The following CNKSR3 variants were observed in gnomAD, a reference collection of about 807,000 sequenced individuals.
CNKSR3 encodes the protein connector enhancer of kinase suppressor of ras 3.
A neutral mutation model predicts 67.7 loss-of-function variants in CNKSR3; 36 were observed. The observed-to-expected ratio is 0.53, with a 90% CI of 0.41 to 0.70. The LOEUF is 0.70. CNKSR3 is among the 30% of genes least tolerant of loss of function. The pLI is 0.00. For missense variants in CNKSR3, 630 were observed against 695.2 expected (o/e 0.91, Z 1.05); for synonymous variants, 281 against 271.4 (o/e 1.04, Z -0.35).
In CNKSR3 at chr6:154,510,190, C is replaced by A; in HGVS notation, c.-76G>T. ...GCTGCCTGCGCTCCGGTGCCCCTTC[C>A]CGGGAGGGCGCGCCCGCGGCTGCTC... On this transcript the variant is annotated 5_prime_UTR_variant, in exon 1 of 13. Coordinates refer to ENST00000607772, the MANE Select transcript of CNKSR3 (RefSeq NM_173515.4). 3.2e-6 allele frequency: 5 copies of A among 1,573,106 alleles called. No individual in the cohort carries two copies. Among genetic ancestry groups the A allele is most frequent in the Non-Finnish European group, 4.4e-6 (5 of 1,145,910 alleles).
intron 1 of CNKSR3, among the ~76,000 whole-genome samples, chr6:154,509,313 C>G (rs988719213): frequency 1.3e-5 from 2 of 149,472 alleles, no homozygotes; most frequent in African/African-American, 4.9e-5. Context: ...CACCACCCCC[C>G]CACCGCCCCA....
intron 10 of CNKSR3, 139 bp downstream of exon 10, chr6:154,414,159 AC>A: frequency 1.2e-6 from 1 of 833,572 alleles, no homozygotes; most frequent in Non-Finnish European, 1.8e-6. Flanking sequence ...GGCTGATCAT[AC>A]TTTTAACGGC....
chr6:154,445,362 T>C (rs1445224851), intron 2 of CNKSR3, among the ~76,000 whole-genome samples: 1 of 152,190 alleles, frequency 6.6e-6, no homozygotes, highest in Non-Finnish European at 1.5e-5. Context: ...AAAAATAAGA[T>C]GGATTTGCAT....
In CNKSR3 at chr6:154,431,683, C is replaced by T. The variant is rs142820347; in HGVS notation, c.550-1092G>A. On this transcript the variant is annotated intron_variant, in intron 5 of 12. Coordinates refer to ENST00000607772, the MANE Select transcript of CNKSR3 (RefSeq NM_173515.4). The stretch of plus-strand genomic sequence containing the variant: ...ACCACCCCATCCCTCACCATGAACC[C>T]CTGGCAAACATAGATCTTTTTACTG... 4.0e-3 allele frequency among the ~76,000 whole-genome samples: 605 copies of T among 151,996 alleles called. 3 individuals carry two copies. Among genetic ancestry groups the T allele is most frequent in the African/African-American group, 0.014 (568 of 41,456 alleles).
chr6:154,437,615 C>T (rs1377738310), intron 4 of CNKSR3, among the ~76,000 whole-genome samples: 1 of 151,942 alleles, frequency 6.6e-6, no homozygotes, highest in East Asian at 1.9e-4. Flanking sequence ...GGGGTTTCGC[C>T]ATGTTTGCCA....
Position 154,411,150 on chromosome 6 carries a change from A to C in CNKSR3, c.1071-8T>G. On this transcript the variant is annotated splice_polypyrimidine_tract_variant and splice_region_variant and intron_variant, in intron 10 of 12. Coordinates refer to ENST00000607772, the MANE Select transcript of CNKSR3 (RefSeq NM_173515.4). ...AAACTGCCATTCTCATCCCTGGAAG[A>C]TAATATGGACAATAATTAAGTTGTT... The C allele has an allele frequency of 6.3e-7, 1 of 1,590,556 alleles. No homozygotes were observed. Among genetic ancestry groups the C allele is most frequent in the Non-Finnish European group, 8.6e-7 (1 of 1,160,084 alleles).
At chr6:154,449,662 T>G (rs1408100193) in intron 2 of CNKSR3, among the ~76,000 whole-genome samples, 1 of 152,216 alleles carries the variant, frequency 6.6e-6, no homozygotes, top group Admixed American at 6.5e-5. Context: ...TTTCCATCAT[T>G]TTTTCCTTAT....
In CNKSR3 at chr6:154,389,929, T is replaced by C. The variant is rs1393237886; in HGVS notation, c.*16425A>G. The C allele has an allele frequency of 1.3e-5, 2 of 152,180 alleles. No homozygotes were observed. Among genetic ancestry groups the C allele is most frequent in the Non-Finnish European group, 2.9e-5 (2 of 68,016 alleles). 9.4% of individuals were successfully genotyped at this position (152,180 alleles called of 1,614,324 possible). Reference sequence around the variant, plus strand: ...ACAAACAAATGGAAAGACATTTCATTCCTGGGCTGTAAGACTTAATATTGC... The same window carrying C: ...ACAAACAAATGGAAAGACATTTCATCCCTGGGCTGTAAGACTTAATATTGC... On this transcript the variant is annotated 3_prime_UTR_variant, in exon 13 of 13. Coordinates refer to ENST00000607772, the MANE Select transcript of CNKSR3 (RefSeq NM_173515.4).
intron 1 of CNKSR3, among the ~76,000 whole-genome samples, chr6:154,499,870 T>TA (rs11394655): frequency 0.18 from 26,958 of 152,184 alleles, 3,422 homozygotes; most frequent in African/African-American, 0.36. Flanking sequence ...CAAATTGGCC[T>TA]GGGGTGCTTA....
chr6:154,492,297 T>A (rs897733856), intron 1 of CNKSR3, among the ~76,000 whole-genome samples: 1 of 152,130 alleles, frequency 6.6e-6, no homozygotes, highest in Non-Finnish European at 1.5e-5. Flanking sequence ...TGCCCTAGAT[T>A]CCTTTCCTTG....
intron 1 of CNKSR3, among the ~76,000 whole-genome samples, chr6:154,493,852 G>GC (rs1418164386): frequency 6.6e-6 from 1 of 152,006 alleles, no homozygotes; most frequent in Admixed American, 6.5e-5. Flanking sequence ...GGGGACATCT[G>GC]CCCCCATGAT....
At chr6:154,449,288 T>C (rs1785773201) in intron 2 of CNKSR3, among the ~76,000 whole-genome samples, 1 of 152,198 alleles carries the variant, frequency 6.6e-6, no homozygotes, top group African/African-American at 2.4e-5. Flanking sequence ...GACATGAAAA[T>C]CAGAACCTAT....
chr6:154,429,990 G>A (rs1160412507), intron 6 of CNKSR3, among the ~76,000 whole-genome samples: 1 of 152,172 alleles, frequency 6.6e-6, no homozygotes. Context: ...AATCCCATAA[G>A]ATGCACGCTA....
chr6:154,397,494 A>C lies in CNKSR3; in HGVS notation c.*8860T>G, dbSNP rs1784672893. 6.6e-6 allele frequency: 1 copy of C among 152,246 alleles called. No individual in the cohort carries two copies. 9.4% of individuals were successfully genotyped at this position (152,246 alleles called of 1,614,324 possible). A position where few individuals can be genotyped will look rare whatever the true frequency, so the allele number is the denominator to read the frequency against. ...TTATCATTGGCATGGCCATGAACAC[A>C]AACAATATAAAATGCCAATTTAACC... On this transcript the variant is annotated 3_prime_UTR_variant, in exon 13 of 13. Coordinates refer to ENST00000607772, the MANE Select transcript of CNKSR3 (RefSeq NM_173515.4).
Position 154,389,317 on chromosome 6 carries a change from A to AT in CNKSR3, c.*17036dup, listed in dbSNP as rs1784581987. The AT allele has an allele frequency of 6.6e-6, 1 of 152,202 alleles. No individual in the cohort carries two copies. Among genetic ancestry groups the AT allele is most frequent in the Non-Finnish European group, 1.5e-5 (1 of 68,016 alleles). 9.4% of individuals were successfully genotyped at this position (152,202 alleles called of 1,614,324 possible). ...TCCCCCTTTTGCACATGGATATCTG[A>AT]TTTTCTCAATACCATGTGTTGAAGA... On this transcript the variant is annotated 3_prime_UTR_variant, in exon 13 of 13. Transcript: ENST00000607772.
chr6:154,479,991 C>G (rs1296842184), intron 1 of CNKSR3, among the ~76,000 whole-genome samples: 1 of 152,134 alleles, frequency 6.6e-6, no homozygotes, highest in African/African-American at 2.4e-5. Context: ...GGGGCAGGAA[C>G]AGAGGCAAAT....
chr6:154,411,791 G>A (rs942799362), intron 10 of CNKSR3, among the ~76,000 whole-genome samples: 7 of 152,116 alleles, frequency 4.6e-5, no homozygotes, highest in East Asian at 1.9e-4. Flanking sequence ...ATGCTCTAGC[G>A]AACCACGTTG....
intron 9 of CNKSR3, among the ~76,000 whole-genome samples, chr6:154,417,259 AAAGAG>A (rs1785043282): frequency 6.6e-6 from 1 of 152,234 alleles, no homozygotes; most frequent in African/African-American, 2.4e-5. Flanking sequence ...CAACACTATT[AAAGAG>A]AAGAGCATGG....
In CNKSR3 at chr6:154,474,657, G is replaced by C. The variant is rs77962605; in HGVS notation, c.53-24399C>G. On this transcript the variant is annotated intron_variant, in intron 1 of 12. Transcript: ENST00000607772. ...AAGGCAGCTGGGCCATCCGGATGTG[G>C]GGTGGTGTGCCCCTGGCACAGCCGT... is the stretch of plus-strand genomic sequence containing the variant. 4.8e-3 allele frequency among the ~76,000 whole-genome samples: 736 copies of C among 152,290 alleles called. 4 individuals carry two copies. Among genetic ancestry groups the C allele is most frequent in the African/African-American group, 0.017 (703 of 41,560 alleles).
Sources: gnomAD v4.1 joint callset for allele counts (sites outside exome capture counted in the v4.1 genomes callset) on GRCh38, gnomAD v4.1.1 for gene constraint, MANE v1.5 for transcripts, NCBI Gene and HGNC (gene_info 2026-07-23, HGNC 2026-07-21) for gene names.